KRTAP6-1: variants seen among roughly 807,000 people sequenced by gnomAD.
The protein encoded by KRTAP6-1 is keratin-associated protein 6-1.
In KRTAP6-1, 2 loss-of-function variants were observed where a neutral mutation model predicts 1.6. That is an observed-to-expected ratio of 1.22 (90% CI 0.50 to 3.85). The LOEUF is 3.85. KRTAP6-1 is among the 30% of genes most tolerant of loss of function. The probability of loss-of-function intolerance (pLI) is 0.07; values close to 1 mark genes in which losing one functional copy is unlikely to be tolerated. For missense variants in KRTAP6-1, 78 were observed against 87.7 expected (o/e 0.89, Z 0.44); for synonymous variants, 38 against 38.5 (o/e 0.99, Z 0.05).
chr21:30,613,655 A>C, exon 1 of KRTAP6-1: 1 of 1,613,150 alleles, frequency 6.2e-7, no homozygotes, highest in South Asian at 1.1e-5. Context: ...TCTCAGTATC[A>C]CAGGATAGAG....
At position 30,613,744 on chromosome 21, in the gene KRTAP6-1, C is replaced by A. The variant is rs28567421; in HGVS notation, c.161G>T (p.Arg54Leu). 3 of 1,613,756 alleles carry A rather than the reference C, an allele frequency of 1.9e-6. No individual in the cohort carries two copies. The Admixed American group carries it at 5.0e-5, about 27-fold the overall frequency. Residue 54 changes from arginine to leucine, a missense_variant, in exon 1 of 1, where the codon CGC becomes CTC. By Grantham distance (102) the Arg-to-Leu change is moderately radical. Coordinates refer to ENST00000329122, the Ensembl canonical transcript of KRTAP6-1. ...TCCATAGCCATAGCCACAGAGGGAG[C>A]GGGAGCCATAGCCATAGCCACAGCC...
exon 1 of KRTAP6-1, chr21:30,613,470 A>T (rs1314184594): frequency 1.1e-6 from 1 of 918,228 alleles, no homozygotes; most frequent in African/African-American, 1.7e-5. Context: ...TGACACCATC[A>T]TTCTGATGAA....
chr21:30,613,580 T>A, exon 1 of KRTAP6-1: 1 of 1,563,054 alleles, frequency 6.4e-7, no homozygotes, highest in Non-Finnish European at 8.7e-7. Context: ...CATATTAGAC[T>A]TCCATTGCAG....
exon 1 of KRTAP6-1, chr21:30,613,828 C>T (rs868166060): frequency 1.2e-6 from 2 of 1,613,940 alleles, no homozygotes; most frequent in South Asian, 2.2e-5. Context: ...GCCTCCATAG[C>T]CATAGCCCAG....
chr21:30,613,527 A>G, exon 1 of KRTAP6-1: 1 of 1,384,380 alleles, frequency 7.2e-7, no homozygotes, highest in Non-Finnish European at 9.6e-7. Context: ...TCATGATGGA[A>G]ATTCAAGATA....
exon 1 of KRTAP6-1, chr21:30,613,506 C>T (rs1018494598): frequency 5.5e-6 from 7 of 1,269,828 alleles, no homozygotes; most frequent in East Asian, 5.1e-5. Context: ...TGAATTTTAC[C>T]TTATCCCGTT....
chr21:30,613,602 T>A lies in KRTAP6-1; in HGVS notation c.*87A>T, dbSNP rs928720154. The A allele has an allele frequency of 1.0e-5, 16 of 1,590,880 alleles. No individual in the cohort carries two copies. In the African/African-American group the frequency reaches 1.9e-4, roughly 19 times the overall value. ...GACTTCCATTGCAGGATATCATCAC[T>A]CAAGGGAAAATCTCAGAACATGTGG... On this transcript the variant is annotated 3_prime_UTR_variant, in exon 1 of 1. Coordinates refer to ENST00000329122, the Ensembl canonical transcript of KRTAP6-1.
exon 1 of KRTAP6-1, chr21:30,613,756 C>G: frequency 6.2e-7 from 1 of 1,613,548 alleles, no homozygotes; most frequent in Non-Finnish European, 8.5e-7. Context: ...GGAGCCATAG[C>G]CATAGCCACA....
chr21:30,613,608 G>GA (rs1980617388), exon 1 of KRTAP6-1: 1 of 1,594,700 alleles, frequency 6.3e-7, no homozygotes, highest in Non-Finnish European at 8.6e-7. Flanking sequence ...TCACTCAAGG[G>GA]AAAATCTCAG....
chr21:30,613,716 G>A (rs142155505), exon 1 of KRTAP6-1: 97 of 1,614,096 alleles, frequency 6.0e-5, no homozygotes, highest in African/African-American at 8.0e-5. Context: ...AGCCAGAGCC[G>A]CATCCATAGC....
exon 1 of KRTAP6-1, chr21:30,613,505 C>T (rs926515593): frequency 1.6e-6 from 2 of 1,262,710 alleles, no homozygotes; most frequent in Non-Finnish European, 2.1e-6. Flanking sequence ...GTGAATTTTA[C>T]CTTATCCCGT....
chr21:30,613,771 A>G (rs1238335440), exon 1 of KRTAP6-1: 6 of 1,613,476 alleles, frequency 3.7e-6, no homozygotes, highest in Middle Eastern at 1.6e-4. Flanking sequence ...GCCACAGCCC[A>G]GTCTGCGGAA....
chr21:30,613,572 T>C, exon 1 of KRTAP6-1: 3 of 1,551,006 alleles, frequency 1.9e-6, no homozygotes, highest in South Asian at 1.2e-5. Context: ...CAACAGACCA[T>C]ATTAGACTTC....
exon 1 of KRTAP6-1, chr21:30,613,499 A>T: frequency 8.2e-7 from 1 of 1,223,992 alleles, no homozygotes; most frequent in Non-Finnish European, 1.1e-6. Flanking sequence ...TGACAGGTGA[A>T]TTTTACCTTA....
At chr21:30,613,595 T>A in exon 1 of KRTAP6-1, 1 of 1,583,048 alleles carries the variant, frequency 6.3e-7, no homozygotes, top group Non-Finnish European at 8.6e-7. Flanking sequence ...TTGCAGGATA[T>A]CATCACTCAA....
At chr21:30,613,725 G>A (rs755363811) in exon 1 of KRTAP6-1, 1 of 1,614,098 alleles carries the variant, frequency 6.2e-7, no homozygotes, top group East Asian at 2.2e-5. Context: ...CGCATCCATA[G>A]CCATAGCCAC....
chr21:30,613,650 G>A (rs780501998), exon 1 of KRTAP6-1: 12 of 1,611,934 alleles, frequency 7.4e-6, no homozygotes, highest in Non-Finnish European at 1.0e-5. Flanking sequence ...GTGAATCTCA[G>A]TATCACAGGA....
At chr21:30,613,876 T>C in exon 1 of KRTAP6-1, 1 of 1,614,100 alleles carries the variant, frequency 6.2e-7, no homozygotes, top group Non-Finnish European at 8.5e-7. Flanking sequence ...AGGGGTGCCA[T>C]AGTAGTTTCC....
At chr21:30,613,729 T>C (rs1980621958) in exon 1 of KRTAP6-1, 5 of 1,613,952 alleles carry the variant, frequency 3.1e-6, no homozygotes, top group Admixed American at 1.7e-5. Context: ...TCCATAGCCA[T>C]AGCCACAGAG....
Sources: gnomAD v4.1 joint callset for allele counts on GRCh38, gnomAD v4.1.1 for gene constraint, MANE v1.5 for transcripts, NCBI Gene and HGNC (gene_info 2026-07-23, HGNC 2026-07-21) for gene names.